Variants in KCNMA1 observed in about 807,000 individuals in gnomAD.
The protein encoded by KCNMA1 is Calcium-activated potassium channel subunit alpha-1.
A neutral mutation model predicts 140.0 loss-of-function variants in KCNMA1; 29 were observed. The ratio of observed to expected loss-of-function variants is 0.21; its 90% CI spans 0.15 to 0.28. The LOEUF (loss-of-function observed/expected upper bound fraction) is 0.28, where lower values mean the gene tolerates loss of function less well. Ranked by LOEUF, KCNMA1 falls within the 10% of genes least tolerant of loss-of-function variation. The pLI is 1.00. For synonymous variants in KCNMA1, 612 were observed against 611.9 expected (o/e 1.00, Z 0.00); for missense variants, 880 against 1,602.2 (o/e 0.55, Z 7.70).
chr10:77,125,593 C>T (rs2097714243), intron 5 of KCNMA1, among the ~76,000 whole-genome samples: 1 of 152,232 alleles, frequency 6.6e-6, no homozygotes, highest in Non-Finnish European at 1.5e-5. Context: ...GTGCAACTCC[C>T]TATCCTCTTT....
chr10:76,942,397 G>A (rs1471273802), intron 23 of KCNMA1, among the ~76,000 whole-genome samples: 5 of 152,224 alleles, frequency 3.3e-5, no homozygotes, highest in African/African-American at 4.8e-5. Flanking sequence ...CAGGGAGTAG[G>A]TGGAGGGTAC....
At chr10:77,632,370 A>G (rs1217392314) in intron 1 of KCNMA1, among the ~76,000 whole-genome samples, 5 of 152,156 alleles carry the variant, frequency 3.3e-5, no homozygotes, top group Admixed American at 2.0e-4. Context: ...GACTTGGGAT[A>G]ACAGGGATGG....
intron 16 of KCNMA1, chr10:77,020,150 A>G (rs906790188): frequency 6.6e-6 from 1 of 152,190 alleles, no homozygotes; most frequent in South Asian, 2.1e-4. Context: ...ATGTTGCTTA[A>G]TAAGGTAATA....
intron 3 of KCNMA1, among the ~76,000 whole-genome samples, chr10:77,201,430 A>G (rs2042422935): frequency 2.0e-5 from 3 of 152,206 alleles, no homozygotes; most frequent in Non-Finnish European, 4.4e-5. Flanking sequence ...AAGACAATAC[A>G]CACTGAACTT....
At chr10:77,028,916 T>C (rs1413459543) in intron 15 of KCNMA1, among the ~76,000 whole-genome samples, 2 of 152,172 alleles carry the variant, frequency 1.3e-5, no homozygotes, top group East Asian at 3.9e-4. Flanking sequence ...AGAGTAAGTG[T>C]TATTTATATG....
At chr10:77,573,639 AATG>A in intron 1 of KCNMA1, among the ~76,000 whole-genome samples, 8 of 31,498 alleles carry the variant, frequency 2.5e-4, no homozygotes, top group African/African-American at 7.2e-4. Context: ...AATGGAATGG[AATG>A]GAATAGAATA....
chr10:77,593,348 T>G (rs2253530), intron 1 of KCNMA1, among the ~76,000 whole-genome samples: 139,285 of 152,222 alleles, frequency 0.92, 63,871 homozygotes, highest in South Asian at 0.97. Context: ...AAGCGATACA[T>G]TTGGATTAGT....
chr10:77,470,603 A>G (rs925119356), intron 1 of KCNMA1, among the ~76,000 whole-genome samples: 2 of 152,334 alleles, frequency 1.3e-5, no homozygotes, highest in Admixed American at 6.5e-5. Context: ...CCTGACTTTT[A>G]TTTTTAGCTG....
At chr10:76,894,525 C>T (rs915505689) in intron 25 of KCNMA1, among the ~76,000 whole-genome samples, 22 of 152,018 alleles carry the variant, frequency 1.4e-4, no homozygotes, top group African/African-American at 5.3e-4. Context: ...AGGACACTAT[C>T]CAAAAAGTGA....
At chr10:77,447,988 C>T (rs767993512) in intron 1 of KCNMA1, among the ~76,000 whole-genome samples, 15 of 152,150 alleles carry the variant, frequency 9.9e-5, no homozygotes, top group East Asian at 1.9e-4. Context: ...CGGTGTCATG[C>T]CTAAAATTTT....
intron 1 of KCNMA1, among the ~76,000 whole-genome samples, chr10:77,618,402 G>C (rs548305079): frequency 3.3e-5 from 5 of 152,296 alleles, no homozygotes; most frequent in African/African-American, 1.2e-4. Flanking sequence ...GCACACACCA[G>C]AGTCTAGATA....
intron 2 of KCNMA1, among the ~76,000 whole-genome samples, chr10:77,321,870 C>T (rs118083512): frequency 1.5e-3 from 230 of 152,274 alleles, no homozygotes; most frequent in Non-Finnish European, 2.7e-3. Context: ...AACCCAAACA[C>T]GCCAAGAACT....
chr10:77,499,511 G>T (rs1410585545), intron 1 of KCNMA1, among the ~76,000 whole-genome samples: 2 of 149,842 alleles, frequency 1.3e-5, no homozygotes, highest in East Asian at 3.9e-4. Context: ...AGAATTATCA[G>T]CATCCAAACA....
chr10:77,411,278 G>T (rs2096612861), intron 1 of KCNMA1, among the ~76,000 whole-genome samples: 1 of 152,112 alleles, frequency 6.6e-6, no homozygotes, highest in African/African-American at 2.4e-5. Flanking sequence ...ACAAATCTTG[G>T]TGGGTGGGAG....
intron 23 of KCNMA1, among the ~76,000 whole-genome samples, chr10:76,943,264 T>G (rs1337219506): frequency 2.6e-5 from 4 of 152,202 alleles, no homozygotes. Context: ...GGCCTTCACA[T>G]GTTGTGCTGT....
At chr10:77,007,793 C>A (rs2089527233) in intron 18 of KCNMA1, among the ~76,000 whole-genome samples, 1 of 151,828 alleles carries the variant, frequency 6.6e-6, no homozygotes, top group East Asian at 1.9e-4. Flanking sequence ...ACAATTACCC[C>A]AGCTGATGAA....
Position 77,108,193 on chromosome 10 carries a change from G to T in KCNMA1, c.1223+288C>A. ...TGGGCCTTCCCTCACAGAAGCACCC[G>T]GTGGGGTTGGGGAGGGGCAGAATTC... On this transcript the variant is annotated intron_variant, in intron 9 of 27. Coordinates refer to ENST00000286628, the MANE Select transcript of KCNMA1 (RefSeq NM_001161352.2). The surrounding 1 kb of genome is among the most constrained non-coding windows in gnomAD (Gnocchi z 4.6). The T allele has an allele frequency of 9.9e-7, 1 of 1,010,158 alleles. No individual in the cohort carries two copies. The highest frequency in any genetic ancestry group is 1.4e-6 in the Non-Finnish European group (1 of 712,576). 62.6% of individuals were successfully genotyped at this position (1,010,158 alleles called of 1,614,324 possible).
intron 6 of KCNMA1, among the ~76,000 whole-genome samples, chr10:77,113,070 T>C (rs924013308): frequency 1.3e-5 from 2 of 152,064 alleles, no homozygotes; most frequent in African/African-American, 2.4e-5. Context: ...GTTTATTGAT[T>C]TTTTTTTATT....
At chr10:77,627,025 T>C (rs1260745911) in intron 1 of KCNMA1, among the ~76,000 whole-genome samples, 1 of 152,194 alleles carries the variant, frequency 6.6e-6, no homozygotes, top group Non-Finnish European at 1.5e-5. Context: ...TTTGCTCTCT[T>C]TTCTTTTCTG....
Sources: allele counts gnomAD v4.1 joint callset (sites outside exome capture counted in the v4.1 genomes callset), GRCh38; gene constraint gnomAD v4.1.1; non-coding constraint Gnocchi (gnomAD v3.1); transcripts MANE v1.5; gene names NCBI Gene and HGNC (gene_info 2026-07-23, HGNC 2026-07-21).